Variants in MARCHF1 observed in about 807,000 individuals in gnomAD.
MARCHF1 encodes the protein membrane associated ring-CH-type finger 1, also known as E3 ubiquitin-protein ligase MARCHF1.
MARCHF1 carries 40 observed loss-of-function variants against 54.2 expected under a neutral mutation model. The observed-to-expected ratio is 0.74, with a 90% CI of 0.57 to 0.96. The LOEUF (loss-of-function observed/expected upper bound fraction) is 0.96. Among genes scored for constraint, MARCHF1 ranks in the 40% least tolerant of loss-of-function variants. The pLI is 0.00. For missense variants in MARCHF1, 586 were observed against 656.5 expected, an observed-to-expected ratio of 0.89 and a Z score of 1.17; for synonymous variants, 236 against 236.3, an observed-to-expected ratio of 1.00 and a Z score of 0.01.
chr4:164,060,955 T>C (rs1754603709), intron 2 of MARCHF1, among the ~76,000 whole-genome samples: 1 of 152,042 alleles, frequency 6.6e-6, no homozygotes, highest in African/African-American at 2.4e-5. Context: ...GGCTAGAGGG[T>C]GGTCTTCTAA....
intron 8 of MARCHF1, among the ~76,000 whole-genome samples, chr4:163,565,560 C>T (rs1210597942): frequency 6.6e-6 from 1 of 152,072 alleles, no homozygotes; most frequent in Non-Finnish European, 1.5e-5. Flanking sequence ...GTTATCTGAC[C>T]TATGAAATAT....
rs554205603 is a variant in MARCHF1, at chr4:164,050,177, A to G, written c.-248+61411T>C. Among the ~76,000 whole-genome samples, 3 of 144,840 alleles carry G rather than the reference A, an allele frequency of 2.1e-5. No homozygotes were observed. The East Asian group carries it at 6.5e-4, about 31-fold the overall frequency. The stretch of plus-strand genomic sequence containing the variant: ...GTATTCCCAGCTATTCGGGAGGCTG[A>G]GGCAGGAGAATCGCTTGAACCCAGG... On this transcript the variant is annotated intron_variant, in intron 2 of 9. Coordinates refer to ENST00000514618, the MANE Select transcript of MARCHF1 (RefSeq NM_001394959.1).
At chr4:164,335,251 A>T (rs1243342804) in intron 1 of MARCHF1, among the ~76,000 whole-genome samples, 1 of 152,238 alleles carries the variant, frequency 6.6e-6, no homozygotes, top group Non-Finnish European at 1.5e-5. Flanking sequence ...CTTTCACAAA[A>T]GGAAGAGTCA....
At chr4:164,168,130 GA>G (rs1730427741) in intron 1 of MARCHF1, among the ~76,000 whole-genome samples, 1 of 151,948 alleles carries the variant, frequency 6.6e-6, no homozygotes, top group African/African-American at 2.4e-5. Flanking sequence ...TTTCTCCAAA[GA>G]AGACATAAAC....
chr4:163,551,854 TTG>T (rs923373447), intron 8 of MARCHF1, among the ~76,000 whole-genome samples: 17 of 152,278 alleles, frequency 1.1e-4, no homozygotes, highest in African/African-American at 3.9e-4. Flanking sequence ...TCTGCCATGA[TTG>T]TGAGACCTCC....
At chr4:164,217,419 A>G (rs1731964779) in intron 1 of MARCHF1, among the ~76,000 whole-genome samples, 1 of 152,344 alleles carries the variant, frequency 6.6e-6, no homozygotes, top group East Asian at 1.9e-4. Flanking sequence ...TCATTCATTC[A>G]TTCATTCATC....
At chr4:164,097,179 T>C (rs1040215540) in intron 2 of MARCHF1, among the ~76,000 whole-genome samples, 1 of 152,186 alleles carries the variant, frequency 6.6e-6, no homozygotes, top group Admixed American at 6.5e-5. Flanking sequence ...TTGAACTTAC[T>C]GCCTAAAATA....
At chr4:164,198,455 G>C (rs1406169248) in intron 1 of MARCHF1, among the ~76,000 whole-genome samples, 1 of 152,182 alleles carries the variant, frequency 6.6e-6, no homozygotes, top group Non-Finnish European at 1.5e-5. Context: ...AAGGAAAATA[G>C]TATTTCTAGT....
chr4:163,697,805 T>C (rs577285716), intron 5 of MARCHF1, among the ~76,000 whole-genome samples: 3 of 152,178 alleles, frequency 2.0e-5, no homozygotes, highest in African/African-American at 7.2e-5. Context: ...TTTATGGAAA[T>C]AGGAATATGC....
chr4:164,358,065 C>G (rs1327325614), intron 1 of MARCHF1, among the ~76,000 whole-genome samples: 1 of 152,090 alleles, frequency 6.6e-6, no homozygotes, highest in Non-Finnish European at 1.5e-5. Flanking sequence ...ATGAATCACT[C>G]TTGAGGAAGG....
chr4:163,676,346 A>G (rs143296797), intron 5 of MARCHF1, among the ~76,000 whole-genome samples: 1 of 150,492 alleles, frequency 6.6e-6, no homozygotes, highest in Non-Finnish European at 1.5e-5. Flanking sequence ...AACAAGAGCA[A>G]AACTCTGTCT....
At chr4:163,783,716 A>G (rs79680781) in intron 4 of MARCHF1, among the ~76,000 whole-genome samples, 3,634 of 152,314 alleles carry the variant, frequency 0.024, 65 homozygotes, top group East Asian at 0.074. Context: ...TACAGGAGCA[A>G]TTGGCTTTTC....
chr4:164,211,419 G>A (rs113259142), intron 1 of MARCHF1, among the ~76,000 whole-genome samples: 294 of 148,306 alleles, frequency 2.0e-3, no homozygotes, highest in Non-Finnish European at 3.7e-3. Context: ...TATACCAATT[G>A]CATAAATGCA....
intron 1 of MARCHF1, among the ~76,000 whole-genome samples, chr4:164,286,982 G>A (rs1560988254): frequency 6.7e-6 from 1 of 149,892 alleles, no homozygotes; most frequent in Admixed American, 6.6e-5. Context: ...TCAAGGTTGA[G>A]GTCTGAGTAT....
chr4:164,382,404 T>C (rs1731394725), intron 1 of MARCHF1, among the ~76,000 whole-genome samples: 1 of 152,366 alleles, frequency 6.6e-6, no homozygotes, highest in South Asian at 2.1e-4. Context: ...TGCTTTCTTA[T>C]ACCATAGCAT....
chr4:163,693,595 C>T (rs1744529244), intron 5 of MARCHF1, among the ~76,000 whole-genome samples: 1 of 151,320 alleles, frequency 6.6e-6, no homozygotes, highest in Non-Finnish European at 1.5e-5. Flanking sequence ...GCAGTGAAAA[C>T]CCTAGTGTTC....
intron 2 of MARCHF1, among the ~76,000 whole-genome samples, chr4:164,001,445 AG>A (rs1262945504): frequency 2.0e-5 from 3 of 151,798 alleles, no homozygotes; most frequent in African/African-American, 7.2e-5. Context: ...TTAAAAATGA[AG>A]GTTGGGAGAT....
chr4:164,192,522 A>C (rs1731149068), intron 1 of MARCHF1, among the ~76,000 whole-genome samples: 1 of 152,192 alleles, frequency 6.6e-6, no homozygotes, highest in South Asian at 2.1e-4. Flanking sequence ...AACAAGTATT[A>C]ACTGAGACTT....
chr4:163,805,665 T>A (rs1335228198), intron 4 of MARCHF1, among the ~76,000 whole-genome samples: 1 of 152,210 alleles, frequency 6.6e-6, no homozygotes. Context: ...TTTCCTTATG[T>A]TGTAGAAGAC....
Sources: gnomAD v4.1 joint callset for allele counts (sites outside exome capture counted in the v4.1 genomes callset) on GRCh38, gnomAD v4.1.1 for gene constraint, MANE v1.5 for transcripts, NCBI Gene and HGNC (gene_info 2026-07-23, HGNC 2026-07-21) for gene names.